The following CSMD1 variants were observed in gnomAD, a reference collection of about 807,000 sequenced individuals.
CSMD1 encodes CUB and Sushi multiple domains 1.
In CSMD1, 213 loss-of-function variants were observed where a neutral mutation model predicts 417.5. The observed-to-expected ratio is 0.51, with a 90% CI of 0.46 to 0.57. CSMD1 has a LOEUF of 0.57. CSMD1 is among the 20% of genes least tolerant of loss of function. The pLI, the probability that CSMD1 is intolerant of heterozygous loss-of-function variation, is 0.00. For synonymous variants in CSMD1, 2,862 were observed against 1,736.8 expected (o/e 1.65, Z -16.11); for missense variants, 6,923 against 4,529.7 (o/e 1.53, Z -15.17).
At chr8:4,829,985 C>CTA (rs1800057250) in intron 1 of CSMD1, among the ~76,000 whole-genome samples, 1 of 152,134 alleles carries the variant, frequency 6.6e-6, no homozygotes, top group African/African-American at 2.4e-5. Flanking sequence ...TATCGGACAG[C>CTA]TTGTCTTTCC....
chr8:4,682,905 C>A (rs1806136644), intron 1 of CSMD1, among the ~76,000 whole-genome samples: 1 of 144,450 alleles, frequency 6.9e-6, no homozygotes, highest in African/African-American at 2.5e-5. Flanking sequence ...AACTTTGGAA[C>A]ATTTTTAGAG....
intron 3 of CSMD1, among the ~76,000 whole-genome samples, chr8:4,416,017 A>G (rs747184369): frequency 3.3e-5 from 5 of 152,202 alleles, no homozygotes; most frequent in Non-Finnish European, 1.5e-5. Context: ...ATAATAATAG[A>G]TCACCTTATT....
intron 3 of CSMD1, among the ~76,000 whole-genome samples, chr8:4,144,697 C>T (rs960830639): frequency 1.3e-5 from 2 of 151,066 alleles, no homozygotes; most frequent in Non-Finnish European, 1.5e-5. Flanking sequence ...TTTACATACT[C>T]GGCAAAGAGT....
intron 2 of CSMD1, among the ~76,000 whole-genome samples, chr8:4,452,904 A>AT (rs1163251523): frequency 6.6e-6 from 1 of 152,220 alleles, no homozygotes; most frequent in Admixed American, 6.5e-5. Flanking sequence ...AGAAGCAACG[A>AT]TGGGCACAGT....
chr8:4,727,371 G>A (rs1003109026), intron 1 of CSMD1, among the ~76,000 whole-genome samples: 5 of 152,152 alleles, frequency 3.3e-5, no homozygotes, highest in Non-Finnish European at 7.3e-5. Context: ...AAACACTAAT[G>A]CTCTCCATTG....
chr8:3,920,532 C>A (rs2688299), intron 5 of CSMD1, among the ~76,000 whole-genome samples: 139,352 of 152,164 alleles, frequency 0.92, 63,890 homozygotes, highest in East Asian at 0.97. Context: ...ACGTTTGGCA[C>A]GAGTAGGCAA....
intron 1 of CSMD1, among the ~76,000 whole-genome samples, chr8:4,959,999 G>C (rs1809373991): frequency 6.6e-6 from 1 of 152,050 alleles, no homozygotes; most frequent in Non-Finnish European, 1.5e-5. Flanking sequence ...GTTTCTCTTT[G>C]CTCACTAGGA....
chr8:3,679,268 G>C (rs1369888084), intron 7 of CSMD1, among the ~76,000 whole-genome samples: 1 of 152,186 alleles, frequency 6.6e-6, no homozygotes, highest in South Asian at 2.1e-4. Flanking sequence ...AGACCCATCA[G>C]TGTGTTGTAT....
chr8:4,048,873 T>C (rs1363059457), intron 3 of CSMD1, among the ~76,000 whole-genome samples: 1 of 152,224 alleles, frequency 6.6e-6, no homozygotes, highest in African/African-American at 2.4e-5. Context: ...ATCAAGCTCA[T>C]TTTTACAGCT....
At chr8:4,723,537 T>C (rs914521294) in intron 1 of CSMD1, among the ~76,000 whole-genome samples, 5 of 152,060 alleles carry the variant, frequency 3.3e-5, no homozygotes, top group Admixed American at 1.3e-4. Flanking sequence ...CTGTGCATAA[T>C]AGGAAGAAAT....
chr8:3,366,692 C>T (rs1378561931), intron 20 of CSMD1, among the ~76,000 whole-genome samples: 3 of 152,092 alleles, frequency 2.0e-5, no homozygotes, highest in Admixed American at 1.3e-4. Flanking sequence ...AGGATGCCTC[C>T]CAATAAAGGA....
At chr8:3,091,755 G>A (rs561958618) in intron 47 of CSMD1, 93 bp from the exon 48 acceptor site, 56 of 1,063,998 alleles carry the variant, frequency 5.3e-5, no homozygotes, top group African/African-American at 3.6e-4. Context: ...TGGAGTCTAC[G>A]TGTGCAATAC....
At chr8:3,418,602 C>G (rs1173887777) in intron 12 of CSMD1, among the ~76,000 whole-genome samples, 2 of 152,114 alleles carry the variant, frequency 1.3e-5, no homozygotes, top group East Asian at 3.9e-4. Flanking sequence ...CCAACAATGT[C>G]CTGTGTCTCA....
chr8:4,846,803 G>T (rs1038076312), intron 1 of CSMD1, among the ~76,000 whole-genome samples: 1 of 152,104 alleles, frequency 6.6e-6, no homozygotes, highest in Non-Finnish European at 1.5e-5. Context: ...GACAGCAAAT[G>T]TGTTTGCAAA....
Position 3,312,522 on chromosome 8 carries a change from A to C in CSMD1, c.3632-4019T>G, listed in dbSNP as rs149663422. Among the ~76,000 whole-genome samples the C allele has an allele frequency of 1.2e-3, 182 of 152,252 alleles. 1 individual carries two copies. The highest frequency in any genetic ancestry group is 4.2e-3 in the African/African-American group (173 of 41,540). ...AGATCAGTTTTCCAATTTTCAGTAG[A>C]CTGAAGAGAGCTTTGTTCTCTCAAA... On this transcript the variant is annotated intron_variant, in intron 23 of 69. Coordinates refer to ENST00000635120, the MANE Select transcript of CSMD1 (RefSeq NM_033225.6).
At chr8:3,855,074 A>C (rs1440438924) in intron 5 of CSMD1, among the ~76,000 whole-genome samples, 1 of 152,122 alleles carries the variant, frequency 6.6e-6, no homozygotes, top group Non-Finnish European at 1.5e-5. Context: ...AATACCCCAA[A>C]ATATCAAGAG....
intron 65 of CSMD1, 106 bp downstream of exon 65, chr8:2,954,118 G>A (rs960028847): frequency 9.2e-6 from 5 of 540,828 alleles, no homozygotes; most frequent in Non-Finnish European, 1.6e-5. Context: ...CTTGGTCGTG[G>A]ACTAACGGAT....
intron 16 of CSMD1, among the ~76,000 whole-genome samples, chr8:3,399,173 T>G (rs1039491): frequency 0.51 from 77,860 of 151,982 alleles, 20,389 homozygotes; most frequent in Middle Eastern, 0.6. Context: ...GGACTGGCAG[T>G]TCCCCTACTA....
rs535660545 is a variant in CSMD1 at position 3,179,727 on chromosome 8, C to T, written c.5725+1383G>A. ...CTATTAGTGAATTTTTAAATACTAT[C>T]ATAAACAAGGCTTATGTTTTTCTAT... is the stretch of plus-strand genomic sequence containing the variant. On this transcript the variant is annotated intron_variant, in intron 37 of 69. Coordinates refer to ENST00000635120, the MANE Select transcript of CSMD1 (RefSeq NM_033225.6). 2.0e-5 allele frequency among the ~76,000 whole-genome samples: 3 copies of T among 152,280 alleles called. No individual in the cohort carries two copies. The East Asian group carries it at 5.8e-4, about 29-fold the overall frequency.
Sources: gnomAD v4.1 joint callset for allele counts (sites outside exome capture counted in the v4.1 genomes callset) on GRCh38, gnomAD v4.1.1 for gene constraint, MANE v1.5 for transcripts, NCBI Gene and HGNC (gene_info 2026-07-23, HGNC 2026-07-21) for gene names.